Variants in ST3GAL2 observed in about 807,000 individuals in gnomAD.
The protein encoded by ST3GAL2 is ST3 beta-galactoside alpha-2,3-sialyltransferase 2, also known as CMP-N-acetylneuraminate-beta-galactosamide-alpha-2,3-sialyltransferase 2.
Under a neutral mutation model 37.5 loss-of-function variants are expected in ST3GAL2, and 16 were observed. The observed-to-expected ratio is 0.43, with a 90% CI of 0.29 to 0.65. The LOEUF (loss-of-function observed/expected upper bound fraction) is 0.65, where lower values mean the gene tolerates loss of function less well. Ranked by LOEUF, ST3GAL2 falls within the 30% of genes least tolerant of loss-of-function variation. ST3GAL2 has a pLI of 0.17. For missense variants in ST3GAL2, 383 were observed against 487.8 expected, an observed-to-expected ratio of 0.79 and a Z score of 2.02; for synonymous variants, 238 against 202.9, an observed-to-expected ratio of 1.17 and a Z score of -1.47.
chr16:70,394,465 A>T (rs559129701), intron 3 of ST3GAL2, among the ~76,000 whole-genome samples: 2 of 151,780 alleles, frequency 1.3e-5, no homozygotes, highest in East Asian at 3.9e-4. Flanking sequence ...GTAGCCTCAA[A>T]CTCCTGGGTT....
intron 1 of ST3GAL2, among the ~76,000 whole-genome samples, chr16:70,404,336 G>C (rs1445011744): frequency 6.6e-6 from 1 of 152,174 alleles, no homozygotes; most frequent in Non-Finnish European, 1.5e-5. Flanking sequence ...AGTGTCAAGT[G>C]TTTGAAAAAG....
intron 2 of ST3GAL2, among the ~76,000 whole-genome samples, chr16:70,396,444 C>T (rs2151662812): frequency 6.6e-6 from 1 of 152,086 alleles, no homozygotes; most frequent in African/African-American, 2.4e-5. Flanking sequence ...GATGAGAATT[C>T]CTATATAAAA....
chr16:70,397,592 G>A (rs1038430091), intron 2 of ST3GAL2, among the ~76,000 whole-genome samples: 1 of 151,818 alleles, frequency 6.6e-6, no homozygotes, highest in African/African-American at 2.4e-5. Flanking sequence ...TGAGAGGGGT[G>A]GTGCATGCCT....
rs111813893 is a variant in ST3GAL2, at chr16:70,408,205, C to G, written c.-1003-8672G>C. Among the ~76,000 whole-genome samples, 501 of 152,256 alleles carry G rather than the reference C, an allele frequency of 3.3e-3. 2 individuals carry two copies. The highest frequency in any genetic ancestry group is 0.011 in the African/African-American group (447 of 41,530). The stretch of plus-strand genomic sequence containing the variant: ...AGGCGGAAGTGAAGATGCTTTAACG[C>G]CATGCCAGGTCTGATGACTTCAAGC... On this transcript the variant is annotated intron_variant, in intron 1 of 6. Transcript: ENST00000342907.
intron 1 of ST3GAL2, among the ~76,000 whole-genome samples, chr16:70,410,400 A>G (rs2047629385): frequency 6.6e-6 from 1 of 150,862 alleles, no homozygotes; most frequent in Non-Finnish European, 1.5e-5. Flanking sequence ...ACAGGTGCCC[A>G]CCACCATGCC....
At chr16:70,435,326 T>C (rs2047817502) in intron 1 of ST3GAL2, among the ~76,000 whole-genome samples, 1 of 152,210 alleles carries the variant, frequency 6.6e-6, no homozygotes, top group African/African-American at 2.4e-5. Context: ...CTGGGCGCAG[T>C]GGTTCACGCC....
chr16:70,406,305 G>C lies in ST3GAL2; in HGVS notation c.-1003-6772C>G, dbSNP rs551196151. Among the ~76,000 whole-genome samples, 40 of 151,594 alleles carry C rather than the reference G, an allele frequency of 2.6e-4. 1 individual carries two copies. The highest frequency in any genetic ancestry group is 9.5e-4 in the African/African-American group (39 of 41,162). Reference sequence around the variant, plus strand: ...CTAAAAATAACAAAACTTAGCTGTGGGTGGTGGCAGGGCCAACATGGTGAA... The same window carrying C: ...CTAAAAATAACAAAACTTAGCTGTGCGTGGTGGCAGGGCCAACATGGTGAA... On this transcript the variant is annotated intron_variant, in intron 1 of 6. Transcript: ENST00000342907.
At position 70,378,092 on chromosome 16, in the gene ST3GAL2, A is replaced by G. The variant is rs1377590365; in HGVS notation, c.*3597T>C. On this transcript the variant is annotated 3_prime_UTR_variant, in exon 7 of 7. Coordinates refer to ENST00000342907, the MANE Select transcript of ST3GAL2 (RefSeq NM_006927.4). The stretch of plus-strand genomic sequence containing the variant: ...CAAAAAACTGGATGAAAAAGCTCCC[A>G]TTTTAGCAATAAAGGGAAGTAGAAT... 6.6e-6 allele frequency: 1 copy of G among 152,194 alleles called. No individual in the cohort carries two copies. Among genetic ancestry groups the G allele is most frequent in the Non-Finnish European group, 1.5e-5 (1 of 68,030 alleles). The allele number at this position is 152,194 out of a possible 1,614,324, so 9.4% of individuals were successfully genotyped here.
rs1204366982 is a variant in ST3GAL2, at chr16:70,379,234, C to G, written c.*2455G>C. On this transcript the variant is annotated 3_prime_UTR_variant, in exon 7 of 7. Coordinates refer to ENST00000342907, the MANE Select transcript of ST3GAL2 (RefSeq NM_006927.4). ...GGACAGCCACTGCGAGGAGCTGCTA[C>G]CAGGAATCCTCTCCAATGAACTCCT... The G allele has an allele frequency of 6.6e-6, 1 of 152,174 alleles. No individual in the cohort carries two copies. Among genetic ancestry groups the G allele is most frequent in the African/African-American group, 2.4e-5 (1 of 41,430 alleles). The allele number at this position is 152,174 out of a possible 1,614,324, so 9.4% of individuals were successfully genotyped here.
chr16:70,388,752 C>T (rs2047460483), intron 3 of ST3GAL2, among the ~76,000 whole-genome samples: 1 of 151,988 alleles, frequency 6.6e-6, no homozygotes, highest in Non-Finnish European at 1.5e-5. Context: ...GAATTATTTA[C>T]AATAGTAACA....
chr16:70,397,190 A>G (rs1022683657), intron 2 of ST3GAL2, among the ~76,000 whole-genome samples: 2 of 150,866 alleles, frequency 1.3e-5, no homozygotes, highest in Non-Finnish European at 1.5e-5. Context: ...ACAGGCACGC[A>G]CCACCATGCC....
intron 1 of ST3GAL2, among the ~76,000 whole-genome samples, chr16:70,401,774 C>T (rs1171029703): frequency 6.6e-6 from 1 of 152,078 alleles, no homozygotes; most frequent in Non-Finnish European, 1.5e-5. Flanking sequence ...GGGTGTATCA[C>T]CTGAGGTCAG....
At chr16:70,410,994 G>C (rs1162380123) in intron 1 of ST3GAL2, among the ~76,000 whole-genome samples, 2 of 152,038 alleles carry the variant, frequency 1.3e-5, no homozygotes, top group African/African-American at 4.8e-5. Flanking sequence ...CAGCAAGCCT[G>C]TCCCTTTTTC....
At chr16:70,401,351 G>A (rs2047553682) in intron 1 of ST3GAL2, among the ~76,000 whole-genome samples, 1 of 152,186 alleles carries the variant, frequency 6.6e-6, no homozygotes. Context: ...TTAGGGAGGG[G>A]AAAATCCCTG....
chr16:70,416,065 C>T (rs1038820665), intron 1 of ST3GAL2, among the ~76,000 whole-genome samples: 1 of 152,180 alleles, frequency 6.6e-6, no homozygotes, highest in African/African-American at 2.4e-5. Context: ...AGTGAGCCAC[C>T]GAGCCCAGCT....
chr16:70,429,727 C>G (rs2047776443), intron 1 of ST3GAL2, among the ~76,000 whole-genome samples: 1 of 149,948 alleles, frequency 6.7e-6, no homozygotes, highest in Non-Finnish European at 1.5e-5. Context: ...CTGTAACCTC[C>G]ACCTCCCAGG....
At chr16:70,432,563 T>C (rs2047798498) in intron 1 of ST3GAL2, among the ~76,000 whole-genome samples, 1 of 152,160 alleles carries the variant, frequency 6.6e-6, no homozygotes, top group African/African-American at 2.4e-5. Flanking sequence ...AGAAGTACGC[T>C]AAAATGGCTG....
At chr16:70,438,748 G>GC (rs1203321201) in intron 1 of ST3GAL2, among the ~76,000 whole-genome samples, 1 of 152,102 alleles carries the variant, frequency 6.6e-6, no homozygotes, top group Non-Finnish European at 1.5e-5. Flanking sequence ...AAAGCAGAAG[G>GC]CGGGGATCCG....
At chr16:70,405,031 C>T (rs2634411) in intron 1 of ST3GAL2, among the ~76,000 whole-genome samples, 951 of 69,874 alleles carry the variant, frequency 0.014, 4 homozygotes, top group Non-Finnish European at 0.02. Flanking sequence ...GACTCCATCT[C>T]AAAAAAAAAA....
Sources: gnomAD v4.1 joint callset for allele counts (sites outside exome capture counted in the v4.1 genomes callset) on GRCh38, gnomAD v4.1.1 for gene constraint, MANE v1.5 for transcripts, NCBI Gene and HGNC (gene_info 2026-07-23, HGNC 2026-07-21) for gene names.